The following TAL1 variants were observed in gnomAD, a reference collection of about 807,000 sequenced individuals.
TAL1 encodes TAL bHLH transcription factor 1, erythroid differentiation factor.
TAL1 carries 8 observed loss-of-function variants against 17.9 expected under a neutral mutation model. That is an observed-to-expected ratio of 0.45 (90% CI 0.26 to 0.81). The LOEUF (loss-of-function observed/expected upper bound fraction) is 0.81, where lower values mean the gene tolerates loss of function less well. Among genes scored for constraint, TAL1 ranks in the 30% least tolerant of loss-of-function variants. The probability of loss-of-function intolerance (pLI) is 0.17; values close to 1 mark genes in which losing one functional copy is unlikely to be tolerated. For synonymous variants in TAL1, 223 were observed against 218.6 expected (o/e 1.02, Z -0.18); for missense variants, 466 against 486.9 (o/e 0.96, Z 0.40).
chr1:47,219,724 C>T (rs1404709780), exon 4 of TAL1: 7 of 1,608,984 alleles, frequency 4.4e-6, no homozygotes, highest in African/African-American at 1.3e-5. Context: ...GACCCATCAC[C>T]GAGGGCCGGC....
chr1:47,230,233 A>G (rs1569936372), upstream of TAL1: 1 of 152,182 alleles, frequency 6.6e-6, no homozygotes, highest in East Asian at 1.9e-4. Context: ...GGAGGTAAAA[A>G]CAAACCCGAC....
exon 4 of TAL1, chr1:47,219,675 C>A (rs1294707519): frequency 6.2e-7 from 1 of 1,602,020 alleles, no homozygotes; most frequent in Admixed American, 1.7e-5. Context: ...ACCATCCCAG[C>A]AGCCTAAGAA....
chr1:47,218,765 C>T (rs1645549960), exon 4 of TAL1: 1 of 233,546 alleles, frequency 4.3e-6, no homozygotes, highest in Admixed American at 5.6e-5. Context: ...AAACAGACAT[C>T]TTACAGCAAA....
At chr1:47,219,374 C>T (rs1645563367) in exon 4 of TAL1, 1 of 573,032 alleles carries the variant, frequency 1.7e-6, no homozygotes, top group Non-Finnish European at 3.3e-6. Flanking sequence ...GAGCTGACAA[C>T]CCCAGGTCTT....
exon 2 of TAL1, chr1:47,225,571 G>A (rs1021278025): frequency 1.0e-5 from 13 of 1,282,218 alleles, no homozygotes; most frequent in Non-Finnish European, 1.2e-5. Context: ...CTGTAACCGA[G>A]GCGGGCGCGG....
chr1:47,228,857 G>A (rs1643955733), intron 1 of TAL1: 2 of 157,614 alleles, frequency 1.3e-5, no homozygotes, highest in Admixed American at 1.3e-4. Flanking sequence ...CCTTCCTCCT[G>A]CGGGAGCTCC....
At chr1:47,219,517 A>G in exon 4 of TAL1, 1 of 837,168 alleles carries the variant, frequency 1.2e-6, no homozygotes, top group Non-Finnish European at 2.0e-6. Context: ...ACTTTGCTCC[A>G]TTTTTCTGAT....
exon 4 of TAL1, chr1:47,219,350 G>C (rs1028235803): frequency 1.8e-6 from 1 of 552,900 alleles, no homozygotes; most frequent in African/African-American, 1.8e-5. Context: ...GAGACTGCTG[G>C]ATGCCTCAGA....
intron 1 of TAL1, 117 bp from the exon 3 acceptor site, chr1:47,226,006 G>C (rs1643905541): frequency 8.9e-6 from 9 of 1,014,520 alleles, no homozygotes; most frequent in Non-Finnish European, 1.2e-5. Flanking sequence ...ACCGAGACGT[G>C]AGAAGAGGCA....
exon 2 of TAL1, chr1:47,225,502 G>A: frequency 1.6e-6 from 2 of 1,235,234 alleles, no homozygotes; most frequent in Non-Finnish European, 1.0e-6. Context: ...CGGGGGCGGC[G>A]GGGGCAGCCA....
At chr1:47,226,162 G>A (rs1336765402) in intron 1 of TAL1, 2 of 440,350 alleles carry the variant, frequency 4.5e-6, no homozygotes, top group South Asian at 4.9e-5. Flanking sequence ...GGAGGAAGAC[G>A]ACAGAGACAC....
chr1:47,223,830 G>A (rs1292223559), intron 3 of TAL1, among the ~76,000 whole-genome samples, 174 bp downstream of exon 4: 1 of 152,156 alleles, frequency 6.6e-6, no homozygotes, highest in Non-Finnish European at 1.5e-5. Flanking sequence ...CCCCATCCAG[G>A]ACTTTACTTA....
At chr1:47,219,773 G>A (rs1381701847) in exon 4 of TAL1, 6 of 1,611,406 alleles carry the variant, frequency 3.7e-6, no homozygotes, top group Non-Finnish European at 5.1e-6. Context: ...TGGAGGCTGC[G>A]GGCCGTGTGC....
chr1:47,226,226 G>A (rs1462664074), intron 1 of TAL1: 4 of 331,178 alleles, frequency 1.2e-5, no homozygotes, highest in Admixed American at 5.1e-5. Flanking sequence ...AAATCAGGAG[G>A]AAGGAAATGT....
chr1:47,231,998 G>T (rs1003942497), upstream of TAL1, among the ~76,000 whole-genome samples: 1 of 152,128 alleles, frequency 6.6e-6, no homozygotes, highest in Non-Finnish European at 1.5e-5. Flanking sequence ...GGGCGGGGGC[G>T]TCCGTGGAAA....
chr1:47,228,842 T>G, intron 1 of TAL1: 1 of 157,702 alleles, frequency 6.3e-6, no homozygotes, highest in Non-Finnish European at 1.4e-5. Flanking sequence ...CCAGGAAGGC[T>G]GCCGCCTTCC....
In TAL1 at chr1:47,219,894, G is replaced by GGCGCCCCCCCCCCCCCCCC; in HGVS notation, c.821_822insGGGGGGGGGGGGGGGGCGC (p.Ala275GlyfsTer11). The GGCGCCCCCCCCCCCCCCCC allele has an allele frequency of 2.6e-6, 4 of 1,556,014 alleles. No homozygotes were observed. Among genetic ancestry groups the GGCGCCCCCCCCCCCCCCCC allele is most frequent in the Non-Finnish European group, 3.5e-6 (4 of 1,149,564 alleles). On this transcript the variant is annotated frameshift_variant, in exon 4 of 4. Coordinates refer to ENST00000294339, the Ensembl canonical transcript of TAL1. LOFTEE classifies it high-confidence loss of function. ...CTTGCAGGAGGTCATCTGGGGGCGC[G>GGCGCCCCCCCCCCCCCCCC]CCGCCCCCTCCCCCACCTCCACCCC...
chr1:47,217,588 G>A (rs1020931825), exon 4 of TAL1: 131 of 398,592 alleles, frequency 3.3e-4, no homozygotes, highest in African/African-American at 2.2e-3. Flanking sequence ...AGTTCTTTAC[G>A]TTCTCAAAAC....
exon 4 of TAL1, chr1:47,219,683 G>A (rs1645571560): frequency 6.2e-7 from 1 of 1,603,526 alleles, no homozygotes; most frequent in Non-Finnish European, 8.5e-7. Flanking sequence ...AGCAGCCTAA[G>A]AACGCCCTCC....
Sources: gnomAD v4.1 joint callset for allele counts (sites outside exome capture counted in the v4.1 genomes callset) on GRCh38, gnomAD v4.1.1 for gene constraint, MANE v1.5 for transcripts, NCBI Gene and HGNC (gene_info 2026-07-23, HGNC 2026-07-21) for gene names.